The following NEDD4 variants were observed in gnomAD, a reference collection of about 807,000 sequenced individuals.
NEDD4 encodes the protein E3 ubiquitin-protein ligase NEDD4.
Under a neutral mutation model 144.9 loss-of-function variants are expected in NEDD4, and 99 were observed. That is an observed-to-expected ratio of 0.68 (90% confidence interval 0.58 to 0.81). The LOEUF is 0.81. NEDD4 is among the 30% of genes least tolerant of loss of function. The probability of loss-of-function intolerance (pLI) is 0.00; values close to 1 mark genes in which losing one functional copy is unlikely to be tolerated. For synonymous variants in NEDD4, 318 were observed against 350.6 expected, an observed-to-expected ratio of 0.91 and a Z score of 1.04; for missense variants, 985 against 1,065.9, an observed-to-expected ratio of 0.92 and a Z score of 1.06.
intron 16 of NEDD4, 27 bp downstream of exon 16, chr15:55,848,494 C>T (rs1327425173): frequency 2.5e-6 from 4 of 1,612,914 alleles, no homozygotes; most frequent in Admixed American, 1.7e-5. Context: ...CAAAAAATAA[C>T]ATAATGAAAA....
At chr15:55,864,434 C>A (rs2034514199) in intron 8 of NEDD4, among the ~76,000 whole-genome samples, 1 of 151,354 alleles carries the variant, frequency 6.6e-6, no homozygotes, top group African/African-American at 2.4e-5. Flanking sequence ...ATAATTCCAG[C>A]ACTTTGGGAG....
chr15:55,935,035 A>G (rs2036859339), intron 4 of NEDD4, among the ~76,000 whole-genome samples: 1 of 151,522 alleles, frequency 6.6e-6, no homozygotes, highest in South Asian at 2.1e-4. Context: ...TGCCTGGCTA[A>G]TTTTGCATTT....
intron 5 of NEDD4, among the ~76,000 whole-genome samples, chr15:55,874,792 G>A (rs1204376602): frequency 5.3e-5 from 8 of 152,104 alleles, no homozygotes; most frequent in Admixed American, 1.3e-4. Context: ...TGACCAACAC[G>A]GTGAAACCTC....
At chr15:55,924,433 C>A in intron 5 of NEDD4, 1 of 524,406 alleles carries the variant, frequency 1.9e-6, no homozygotes, top group Non-Finnish European at 3.4e-6. Context: ...AATATGTTGG[C>A]AATCAGAAGA....
intron 5 of NEDD4, among the ~76,000 whole-genome samples, chr15:55,912,970 A>T (rs188248055): frequency 3.1e-4 from 47 of 152,246 alleles, no homozygotes; most frequent in Non-Finnish European, 6.2e-4. Flanking sequence ...TGTCCCAGAT[A>T]CAGGTAAAAG....
chr15:55,859,765 C>T (rs929877505), intron 11 of NEDD4, among the ~76,000 whole-genome samples: 3 of 152,118 alleles, frequency 2.0e-5, no homozygotes, highest in African/African-American at 4.8e-5. Flanking sequence ...CAGTCCCTAA[C>T]ATCCAAGAGC....
intron 1 of NEDD4, among the ~76,000 whole-genome samples, chr15:55,967,398 T>C (rs1161619435): frequency 6.6e-6 from 1 of 152,006 alleles, no homozygotes; most frequent in African/African-American, 2.4e-5. Flanking sequence ...TTGCAACTTA[T>C]TTTCAAATAA....
chr15:55,899,723 C>G (rs1252866793), intron 5 of NEDD4, among the ~76,000 whole-genome samples: 1 of 152,154 alleles, frequency 6.6e-6, no homozygotes, highest in Non-Finnish European at 1.5e-5. Flanking sequence ...CTAGGGGAAC[C>G]CTGTCCAACA....
intron 4 of NEDD4, among the ~76,000 whole-genome samples, chr15:55,930,852 T>C (rs1459817856): frequency 6.6e-6 from 1 of 152,188 alleles, no homozygotes; most frequent in South Asian, 2.1e-4. Flanking sequence ...TCCGCCATGA[T>C]TGTGAGGCCT....
chr15:55,992,974 C>T (rs181232290), intron 1 of NEDD4, among the ~76,000 whole-genome samples: 13 of 152,320 alleles, frequency 8.5e-5, no homozygotes, highest in Non-Finnish European at 1.3e-4. Flanking sequence ...TCTCCCATCC[C>T]TGTCTCTAGT....
At chr15:55,951,676 T>G (rs2142302037) in intron 2 of NEDD4, 87 bp from the exon 3 acceptor site, 1 of 1,009,604 alleles carries the variant, frequency 9.9e-7, no homozygotes, top group East Asian at 3.0e-5. Flanking sequence ...AATTCACAGT[T>G]TTCCTTGTTA....
intron 5 of NEDD4, among the ~76,000 whole-genome samples, chr15:55,911,129 A>ACAG (rs1207618730): frequency 1.2e-4 from 18 of 152,098 alleles, no homozygotes; most frequent in Non-Finnish European, 2.6e-4. Flanking sequence ...GCTGCCACCT[A>ACAG]CAGCAGTGAC....
chr15:55,872,917 TAAA>T (rs201906568), intron 6 of NEDD4, among the ~76,000 whole-genome samples: 2 of 134,076 alleles, frequency 1.5e-5, no homozygotes, highest in Non-Finnish European at 3.3e-5. Flanking sequence ...GCACCCTGTT[TAAA>T]AAAAAAAAAA....
At chr15:55,876,100 A>G (rs1407775154) in intron 5 of NEDD4, among the ~76,000 whole-genome samples, 1 of 152,232 alleles carries the variant, frequency 6.6e-6, no homozygotes, top group African/African-American at 2.4e-5. Context: ...CAACTGAATG[A>G]TATCTATAAG....
At position 55,869,564 on chromosome 15, in the gene NEDD4, T is replaced by C. The variant is rs778680099; in HGVS notation, c.507+15A>G. The C allele has an allele frequency of 4.7e-5, 71 of 1,501,092 alleles. No homozygotes were observed. The highest frequency in any genetic ancestry group is 5.3e-5 in the Non-Finnish European group (59 of 1,108,084). The allele number at this position is 1,501,092 out of a possible 1,614,324, so 93.0% of individuals were successfully genotyped here. On this transcript the variant is annotated intron_variant, in intron 8 of 28. Coordinates refer to ENST00000435532, the MANE Select transcript of NEDD4 (RefSeq NM_006154.4). The stretch of plus-strand genomic sequence containing the variant: ...AAAATTTTTTTAGTTTAACCAAATA[T>C]TTATAAAATCTCACCTCTAATTCCT...
intron 27 of NEDD4, among the ~76,000 whole-genome samples, chr15:55,832,178 C>A (rs1245945912): frequency 1.8e-5 from 2 of 111,558 alleles, no homozygotes; most frequent in African/African-American, 7.0e-5. Flanking sequence ...CCACCCCTAT[C>A]TTGAAAAAAA....
At chr15:55,939,749 T>C (rs1248142656) in intron 4 of NEDD4, among the ~76,000 whole-genome samples, 1 of 152,092 alleles carries the variant, frequency 6.6e-6, no homozygotes, top group African/African-American at 2.4e-5. Context: ...TTGGTAGCAA[T>C]GTAAAATGCT....
intron 1 of NEDD4, among the ~76,000 whole-genome samples, chr15:55,976,477 C>T (rs1352394134): frequency 6.6e-6 from 1 of 152,070 alleles, no homozygotes; most frequent in East Asian, 1.9e-4. Flanking sequence ...AAAAGGTGCT[C>T]AAATCACTGA....
chr15:55,992,851 T>C lies in NEDD4; in HGVS notation c.45+660A>G, dbSNP rs147283530. ...TGTGGTAACTTCTTTATAAAGTATT[T>C]ATACTTTTTTGGCTTCACTTTTTAA... is the stretch of plus-strand genomic sequence containing the variant. On this transcript the variant is annotated intron_variant, in intron 1 of 28. Coordinates refer to ENST00000435532, the MANE Select transcript of NEDD4 (RefSeq NM_006154.4). 7.2e-5 allele frequency among the ~76,000 whole-genome samples: 11 copies of C among 152,352 alleles called. No homozygotes were observed. In the East Asian group the frequency reaches 1.7e-3, roughly 24 times the overall value.
Sources: gnomAD v4.1 joint callset for allele counts (sites outside exome capture counted in the v4.1 genomes callset) on GRCh38, gnomAD v4.1.1 for gene constraint, MANE v1.5 for transcripts, NCBI Gene and HGNC (gene_info 2026-07-23, HGNC 2026-07-21) for gene names.